The following PPM1L variants were observed in gnomAD, a reference collection of about 807,000 sequenced individuals.
The protein encoded by PPM1L is protein phosphatase 1L.
In PPM1L, 13 loss-of-function variants were observed where a neutral mutation model predicts 31.4. The observed-to-expected ratio is 0.41, with a 90% CI of 0.27 to 0.66. The LOEUF is 0.66. PPM1L is among the 30% of genes least tolerant of loss of function. The pLI is 0.29. For missense variants in PPM1L, 326 were observed against 453.7 expected, an observed-to-expected ratio of 0.72 and a Z score of 2.56; for synonymous variants, 184 against 175.4, an observed-to-expected ratio of 1.05 and a Z score of -0.39.
At chr3:160,853,188 T>C (rs1411958063) in intron 1 of PPM1L, among the ~76,000 whole-genome samples, 2 of 152,226 alleles carry the variant, frequency 1.3e-5, no homozygotes, top group Non-Finnish European at 2.9e-5. Flanking sequence ...AGGCCCTTAA[T>C]TTAATCACTT....
At chr3:160,836,101 A>G (rs761920929) in intron 1 of PPM1L, among the ~76,000 whole-genome samples, 1 of 152,150 alleles carries the variant, frequency 6.6e-6, no homozygotes, top group East Asian at 1.9e-4. Flanking sequence ...GGCTCTAACT[A>G]TGACAGATAG....
intron 1 of PPM1L, among the ~76,000 whole-genome samples, chr3:160,945,214 GT>G: frequency 6.6e-6 from 1 of 150,822 alleles, no homozygotes; most frequent in Non-Finnish European, 1.5e-5. Context: ...CACATTTTCT[GT>G]AAAGAGCCAT....
rs61001344 is a variant in PPM1L, at chr3:160,945,011, CATAT to C, written c.400-16720_400-16717del. On this transcript the variant is annotated intron_variant, in intron 1 of 3. Transcript: ENST00000498165. ...ATAACATATATATAACTATATATAA[CATAT>C]ATATTATATATAACTATATATAACA... Among the ~76,000 whole-genome samples the C allele has an allele frequency of 2.2e-3, 44 of 20,314 alleles. 6 individuals carry two copies. The highest frequency in any genetic ancestry group is 6.3e-3 in the Admixed American group (9 of 1,434). The allele number at this position is 20,314 out of a possible 152,430, so 13.3% of individuals were successfully genotyped here.
At chr3:160,923,802 A>G (rs1262054193) in intron 1 of PPM1L, among the ~76,000 whole-genome samples, 1 of 152,204 alleles carries the variant, frequency 6.6e-6, no homozygotes, top group Non-Finnish European at 1.5e-5. Flanking sequence ...TCAGTAGAGC[A>G]TGTGGCGGTG....
At chr3:160,827,988 T>A (rs1576657552) in intron 1 of PPM1L, among the ~76,000 whole-genome samples, 2 of 152,036 alleles carry the variant, frequency 1.3e-5, no homozygotes, top group East Asian at 3.9e-4. Context: ...CACACACTTT[T>A]AAACAACCAG....
At chr3:160,937,838 C>T (rs1036232494) in intron 1 of PPM1L, among the ~76,000 whole-genome samples, 6 of 152,116 alleles carry the variant, frequency 3.9e-5, no homozygotes, top group Non-Finnish European at 5.9e-5. Flanking sequence ...GTCTCAAGTT[C>T]AGGATACTTT....
chr3:160,947,835 C>T (rs754346244), intron 1 of PPM1L, among the ~76,000 whole-genome samples: 2 of 152,100 alleles, frequency 1.3e-5, no homozygotes, highest in Non-Finnish European at 2.9e-5. Flanking sequence ...AGTCTAAAGA[C>T]GGACAGCTCT....
Position 160,954,956 on chromosome 3 carries a change from C to CTTCCT in PPM1L, c.400-6750_400-6746dup, listed in dbSNP as rs1553749481. ...CCTTCCTTCCTTCCTTCCTTCCTTC[C>CTTCCT]TTCCTTTCCTTTCCTTTCCTTTCCT... On this transcript the variant is annotated intron_variant, in intron 1 of 3. Transcript: ENST00000498165. 8.9e-4 allele frequency among the ~76,000 whole-genome samples: 69 copies of CTTCCT among 77,452 alleles called. 2 individuals are homozygous for CTTCCT. Among genetic ancestry groups the CTTCCT allele is most frequent in the African/African-American group, 2.8e-3 (45 of 15,868 alleles). 50.8% of individuals were successfully genotyped at this position (77,452 alleles called of 152,430 possible).
chr3:160,757,393 C>A (rs950565406), intron 1 of PPM1L, among the ~76,000 whole-genome samples: 1 of 152,264 alleles, frequency 6.6e-6, no homozygotes, highest in African/African-American at 2.4e-5. Flanking sequence ...GCAAAGGAGG[C>A]GGTGCTTTGA....
At position 161,074,088 on chromosome 3, in the gene PPM1L, C is replaced by T. The variant is rs772066375; in HGVS notation, c.*4931C>T. ...TTTTAATTCACTTTTGAAATTTTAACGATTTTTAAAACTAATGATCTGTTA... is the reference window on the plus strand; with the variant it reads ...TTTTAATTCACTTTTGAAATTTTAATGATTTTTAAAACTAATGATCTGTTA... On this transcript the variant is annotated 3_prime_UTR_variant, in exon 4 of 4. Coordinates refer to ENST00000498165, the MANE Select transcript of PPM1L (RefSeq NM_139245.4). 3 of 152,078 alleles carry T rather than the reference C, an allele frequency of 2.0e-5. No homozygotes were observed. The highest frequency in any genetic ancestry group is 1.3e-4 in the Admixed American group (2 of 15,274). The allele number at this position is 152,078 out of a possible 1,614,324, so 9.4% of individuals were successfully genotyped here.
At chr3:160,864,651 G>T (rs1712026619) in intron 1 of PPM1L, among the ~76,000 whole-genome samples, 1 of 152,176 alleles carries the variant, frequency 6.6e-6, no homozygotes. Flanking sequence ...CATTCACCAG[G>T]TGCCAGATAT....
intron 2 of PPM1L, among the ~76,000 whole-genome samples, chr3:160,973,888 T>C (rs1716454478): frequency 6.6e-6 from 1 of 151,180 alleles, no homozygotes; most frequent in South Asian, 2.1e-4. Context: ...TTTTTTATTA[T>C]ACTTTAAGTT....
chr3:160,979,534 A>T (rs1576758850), intron 2 of PPM1L, among the ~76,000 whole-genome samples: 1 of 152,136 alleles, frequency 6.6e-6, no homozygotes, highest in African/African-American at 2.4e-5. Context: ...TTTTTTTTAC[A>T]TCAATATTCT....
intron 1 of PPM1L, among the ~76,000 whole-genome samples, chr3:160,761,931 A>G (rs186870947): frequency 2.6e-4 from 39 of 152,250 alleles, no homozygotes; most frequent in African/African-American, 6.5e-4. Flanking sequence ...ACCTGCCCCA[A>G]TGTTTCAAAT....
At chr3:160,911,984 G>C (rs554652425) in intron 1 of PPM1L, among the ~76,000 whole-genome samples, 12 of 152,306 alleles carry the variant, frequency 7.9e-5, no homozygotes, top group African/African-American at 2.4e-4. Context: ...GGTAGAAAAG[G>C]CTTCTCAATT....
At chr3:160,929,474 G>A (rs1045437142) in intron 1 of PPM1L, among the ~76,000 whole-genome samples, 1 of 152,142 alleles carries the variant, frequency 6.6e-6, no homozygotes, top group Non-Finnish European at 1.5e-5. Context: ...AGCTGGAAAA[G>A]GAAGGAAAAG....
chr3:160,784,962 C>T (rs1042559356), intron 1 of PPM1L, among the ~76,000 whole-genome samples: 1 of 152,168 alleles, frequency 6.6e-6, no homozygotes, highest in Non-Finnish European at 1.5e-5. Flanking sequence ...CTACTCTGAC[C>T]AGTCTATCTG....
intron 2 of PPM1L, among the ~76,000 whole-genome samples, chr3:161,039,048 C>A (rs1196440733): frequency 6.6e-6 from 1 of 152,160 alleles, no homozygotes; most frequent in East Asian, 1.9e-4. Flanking sequence ...CAGGAAGTTA[C>A]CCTATATGGT....
At chr3:160,916,611 G>A (rs552801100) in intron 1 of PPM1L, among the ~76,000 whole-genome samples, 1 of 151,972 alleles carries the variant, frequency 6.6e-6, no homozygotes, top group South Asian at 2.1e-4. Context: ...TCTTCTTCCA[G>A]TACACTCTGC....
Sources: gnomAD v4.1 joint callset for allele counts (sites outside exome capture counted in the v4.1 genomes callset) on GRCh38, gnomAD v4.1.1 for gene constraint, MANE v1.5 for transcripts, NCBI Gene and HGNC (gene_info 2026-07-23, HGNC 2026-07-21) for gene names.